The following ADARB2 variants were observed in gnomAD, a reference collection of about 807,000 sequenced individuals.
ADARB2 encodes adenosine deaminase RNA specific B2 (inactive).
Under a neutral mutation model 62.2 loss-of-function variants are expected in ADARB2, and 25 were observed. The observed-to-expected ratio is 0.40, with a 90% CI of 0.29 to 0.56. The LOEUF (loss-of-function observed/expected upper bound fraction) is 0.56. Among genes scored for constraint, ADARB2 ranks in the 20% least tolerant of loss-of-function variants. ADARB2 has a pLI of 0.43. For synonymous variants in ADARB2, 572 were observed against 500.8 expected, an observed-to-expected ratio of 1.14 and a Z score of -1.90; for missense variants, 1,071 against 1,077.4, an observed-to-expected ratio of 0.99 and a Z score of 0.08.
intron 2 of ADARB2, among the ~76,000 whole-genome samples, chr10:1,372,172 G>A (rs1487844300): frequency 2.6e-5 from 4 of 152,156 alleles, no homozygotes; most frequent in Non-Finnish European, 5.9e-5. Flanking sequence ...AACATGAATG[G>A]AGCTGGAGGC....
At chr10:1,444,712 C>G (rs1297965275) in intron 1 of ADARB2, among the ~76,000 whole-genome samples, 1 of 150,572 alleles carries the variant, frequency 6.6e-6, no homozygotes, top group Non-Finnish European at 1.5e-5. Context: ...ATTCATCCAC[C>G]CACCCACTCA....
At chr10:1,232,466 T>C (rs1589159593) in intron 6 of ADARB2, among the ~76,000 whole-genome samples, 1 of 151,208 alleles carries the variant, frequency 6.6e-6, no homozygotes, top group Non-Finnish European at 1.5e-5. Flanking sequence ...ATGTATGGCA[T>C]ATATGGCATG....
chr10:1,566,143 A>C (rs1832860782), intron 1 of ADARB2, among the ~76,000 whole-genome samples: 1 of 148,600 alleles, frequency 6.7e-6, no homozygotes, highest in Admixed American at 6.7e-5. Context: ...GTGTGTATCT[A>C]GTTGAGAATA....
At chr10:1,329,929 CTTTTTTTTTTTT>C (rs370355543) in intron 3 of ADARB2, among the ~76,000 whole-genome samples, 33 of 100,248 alleles carry the variant, frequency 3.3e-4, no homozygotes, top group East Asian at 5.7e-4. Flanking sequence ...GAAGAAGTGC[CTTTTTTTTTTTT>C]TTTTTTTTTT....
At position 1,398,502 on chromosome 10, in the gene ADARB2, C is replaced by A. The variant is rs977845605; in HGVS notation, c.101-19342G>T. 6.6e-6 allele frequency among the ~76,000 whole-genome samples: 1 copy of A among 152,242 alleles called. No individual in the cohort carries two copies. Among genetic ancestry groups the A allele is most frequent in the Non-Finnish European group, 1.5e-5 (1 of 68,036 alleles). On this transcript the variant is annotated intron_variant, in intron 1 of 9. Transcript: ENST00000381312. The surrounding 1 kb of genome is among the most constrained non-coding windows in gnomAD (Gnocchi z 4.1). ...TCTCCCTGTGGAGCTCCAGTGAAGACCCCTCTCCAGGAGCCCCTAACCCCA... is the reference window on the plus strand; with the variant it reads ...TCTCCCTGTGGAGCTCCAGTGAAGAACCCTCTCCAGGAGCCCCTAACCCCA...
intron 6 of ADARB2, among the ~76,000 whole-genome samples, chr10:1,221,215 A>G (rs139900052): frequency 1.1e-4 from 16 of 152,184 alleles, no homozygotes; most frequent in African/African-American, 3.9e-4. Flanking sequence ...TAGAACCTCA[A>G]ACTCCTGACT....
chr10:1,726,990 T>C (rs981575933), intron 1 of ADARB2, among the ~76,000 whole-genome samples: 42 of 152,206 alleles, frequency 2.8e-4, no homozygotes, highest in Non-Finnish European at 5.9e-5. Context: ...CTAGAGCTTC[T>C]GTTCCTGCTT....
chr10:1,444,511 C>T (rs1830943685), intron 1 of ADARB2, among the ~76,000 whole-genome samples: 1 of 151,010 alleles, frequency 6.6e-6, no homozygotes, highest in Non-Finnish European at 1.5e-5. Flanking sequence ...TCCATTCATC[C>T]ACCCACTCAT....
intron 3 of ADARB2, among the ~76,000 whole-genome samples, chr10:1,318,118 C>A (rs902424250): frequency 1.3e-5 from 2 of 152,226 alleles, no homozygotes; most frequent in African/African-American, 2.4e-5. Context: ...ATATACTATA[C>A]TTTTGTTAGA....
At chr10:1,649,089 T>G (rs1302012215) in intron 1 of ADARB2, among the ~76,000 whole-genome samples, 1 of 152,166 alleles carries the variant, frequency 6.6e-6, no homozygotes, top group African/African-American at 2.4e-5. Context: ...CTGTGTGGGG[T>G]ACCCGGGGTG....
At position 1,414,582 on chromosome 10, in the gene ADARB2, C is replaced by T. The variant is rs192621282; in HGVS notation, c.101-35422G>A. On this transcript the variant is annotated intron_variant, in intron 1 of 9. Coordinates refer to ENST00000381312, the MANE Select transcript of ADARB2 (RefSeq NM_018702.4). ...GCTAAACTGTCACAGCTGTAAATCA[C>T]GTGCTTAATGCAACATGCCCTTTCA... Among the ~76,000 whole-genome samples, 639 of 152,356 alleles carry T rather than the reference C, an allele frequency of 4.2e-3. 7 individuals carry two copies. The highest frequency in any genetic ancestry group is 0.01 in the Middle Eastern group (3 of 294).
chr10:1,705,897 C>T (rs1232401766), intron 1 of ADARB2, among the ~76,000 whole-genome samples: 2 of 152,092 alleles, frequency 1.3e-5, no homozygotes, highest in African/African-American at 4.8e-5. Flanking sequence ...TATTGCTTCC[C>T]TAGCTATTCT....
At chr10:1,496,058 A>G (rs141887946) in intron 1 of ADARB2, among the ~76,000 whole-genome samples, 1 of 151,680 alleles carries the variant, frequency 6.6e-6, no homozygotes, top group Non-Finnish European at 1.5e-5. Flanking sequence ...CATTATCTTC[A>G]TCATCACCAT....
chr10:1,612,420 C>G (rs1285000975), intron 1 of ADARB2, among the ~76,000 whole-genome samples: 1 of 152,110 alleles, frequency 6.6e-6, no homozygotes, highest in Non-Finnish European at 1.5e-5. Context: ...TGGGTCAAGC[C>G]TATTAGAAAG....
intron 3 of ADARB2, among the ~76,000 whole-genome samples, chr10:1,329,774 G>A (rs1020152981): frequency 1.5e-4 from 23 of 152,142 alleles, no homozygotes; most frequent in Non-Finnish European, 2.9e-4. Context: ...GGCTTGGTTT[G>A]TTCTGGGAAA....
At chr10:1,234,345 C>G (rs575890985) in intron 5 of ADARB2, among the ~76,000 whole-genome samples, 2 of 152,072 alleles carry the variant, frequency 1.3e-5, no homozygotes, top group Admixed American at 6.6e-5. Context: ...ACCAACACTT[C>G]TAGAACAGGC....
chr10:1,466,383 T>C (rs1831255264), intron 1 of ADARB2, among the ~76,000 whole-genome samples: 1 of 152,114 alleles, frequency 6.6e-6, no homozygotes, highest in South Asian at 2.1e-4. Context: ...GAAATTTGAG[T>C]AGCACAAAGA....
At chr10:1,523,382 G>A (rs2813450) in intron 1 of ADARB2, among the ~76,000 whole-genome samples, 2 of 152,108 alleles carry the variant, frequency 1.3e-5, no homozygotes, top group Admixed American at 6.5e-5. Flanking sequence ...GAGGTGGCTC[G>A]GTTACAGGGT....
intron 1 of ADARB2, among the ~76,000 whole-genome samples, chr10:1,403,339 A>G (rs1832681119): frequency 6.6e-6 from 1 of 152,054 alleles, no homozygotes. Context: ...GGCAATCACG[A>G]TGTCTCTTTC....
Sources: gnomAD v4.1 joint callset for allele counts (sites outside exome capture counted in the v4.1 genomes callset) on GRCh38, gnomAD v4.1.1 for gene constraint, Gnocchi (gnomAD v3.1) non-coding constraint, MANE v1.5 for transcripts, NCBI Gene and HGNC (gene_info 2026-07-23, HGNC 2026-07-21) for gene names.